AFF3: variants seen among roughly 807,000 people sequenced by gnomAD.
AFF3 encodes the protein AF4/FMR2 family member 3.
AFF3 carries 32 observed loss-of-function variants against 129.7 expected under a neutral mutation model. The ratio of observed to expected loss-of-function variants is 0.25; its 90% CI spans 0.19 to 0.33. The LOEUF is 0.33. AFF3 is among the 10% of genes least tolerant of loss of function. The probability of loss-of-function intolerance (pLI) is 1.00; values close to 1 mark genes in which losing one functional copy is unlikely to be tolerated. For missense variants in AFF3, 1,373 were observed against 1,592.0 expected (o/e 0.86, Z 2.34); for synonymous variants, 644 against 635.4 (o/e 1.01, Z -0.20).
At chr2:99,563,974 G>A (rs1390441176) in intron 20 of AFF3, among the ~76,000 whole-genome samples, 1 of 152,038 alleles carries the variant, frequency 6.6e-6, no homozygotes, top group Non-Finnish European at 1.5e-5. Flanking sequence ...GGGCACAGTG[G>A]GTGTGGTACC....
intron 7 of AFF3, among the ~76,000 whole-genome samples, chr2:99,969,359 G>A (rs1289889614): frequency 1.3e-5 from 2 of 152,110 alleles, no homozygotes; most frequent in East Asian, 1.9e-4. Context: ...CTCACATATG[G>A]GATGGAGTAA....
At chr2:99,992,034 A>G (rs1361698697) in intron 7 of AFF3, among the ~76,000 whole-genome samples, 1 of 152,118 alleles carries the variant, frequency 6.6e-6, no homozygotes, top group Non-Finnish European at 1.5e-5. Context: ...AGGAACTTGG[A>G]AAAGTGAATT....
At chr2:99,576,858 C>A (rs1466164215) in intron 18 of AFF3, among the ~76,000 whole-genome samples, 6 of 152,134 alleles carry the variant, frequency 3.9e-5, no homozygotes, top group African/African-American at 1.4e-4. Context: ...TATCACTGAA[C>A]CCTAATTATA....
intron 8 of AFF3, among the ~76,000 whole-genome samples, chr2:99,768,531 C>T (rs1394655718): frequency 6.6e-6 from 1 of 152,226 alleles, no homozygotes; most frequent in Admixed American, 6.5e-5. Flanking sequence ...GAATAGTTTA[C>T]ACACCATAGT....
chr2:100,026,657 A>G (rs1211006350), intron 4 of AFF3, among the ~76,000 whole-genome samples: 1 of 151,082 alleles, frequency 6.6e-6, no homozygotes, highest in Non-Finnish European at 1.5e-5. Flanking sequence ...CCAAATGTCC[A>G]TCAATCAACA....
chr2:100,002,395 C>T (rs77807561), intron 7 of AFF3, among the ~76,000 whole-genome samples: 93 of 152,268 alleles, frequency 6.1e-4, no homozygotes, highest in African/African-American at 1.9e-3. Context: ...TTTATGGAAT[C>T]GCAGTGCTTC....
In AFF3 at chr2:99,648,917, A is replaced by ACACACACACACTCTCTCTCT; in HGVS notation, c.1184+708_1184+709insAGAGAGAGAGTGTGTGTGTG. Reference sequence around the variant, plus strand: ...CACACACACACACACACACACACACACTCTCTCTCTCTCTCTCTCTCCAAT... The same window carrying ACACACACACACTCTCTCTCT: ...CACACACACACACACACACACACACACACACACACACTCTCTCTCTCTCTCTCTCTCTCTCTCTCTCCAAT... On this transcript the variant is annotated intron_variant, in intron 13 of 24. Transcript: ENST00000672756. Among the ~76,000 whole-genome samples, 219 of 46,824 alleles carry ACACACACACACTCTCTCTCT rather than the reference A, an allele frequency of 4.7e-3. 1 individual carries two copies. The highest frequency in any genetic ancestry group is 7.3e-3 in the Non-Finnish European group (159 of 21,760). 30.7% of individuals were successfully genotyped at this position (46,824 alleles called of 152,430 possible).
At chr2:99,872,207 CAAAAAAAA>C (rs397871895) in intron 7 of AFF3, among the ~76,000 whole-genome samples, 10 of 61,780 alleles carry the variant, frequency 1.6e-4, no homozygotes, top group Admixed American at 2.4e-4. Context: ...GACTCCATCT[CAAAAAAAA>C]AAAAAAAAAA....
intron 2 of AFF3, among the ~76,000 whole-genome samples, chr2:100,125,236 A>T (rs988946170): frequency 2.0e-5 from 3 of 152,156 alleles, no homozygotes; most frequent in Non-Finnish European, 4.4e-5. Flanking sequence ...AAAAATGCAA[A>T]TGTCAGACCC....
intron 7 of AFF3, among the ~76,000 whole-genome samples, chr2:99,990,839 C>T (rs979905361): frequency 6.6e-6 from 1 of 152,060 alleles, no homozygotes; most frequent in Admixed American, 6.5e-5. Context: ...TCCAGGATGT[C>T]GGATTTCAGC....
chr2:100,133,301 A>T (rs1692500877), intron 1 of AFF3, among the ~76,000 whole-genome samples: 1 of 151,282 alleles, frequency 6.6e-6, no homozygotes, highest in African/African-American at 2.4e-5. Context: ...AAAAACAATT[A>T]AAAAAAAACA....
intron 7 of AFF3, among the ~76,000 whole-genome samples, chr2:99,858,516 A>C (rs1690702469): frequency 1.3e-5 from 2 of 151,944 alleles, no homozygotes; most frequent in South Asian, 4.2e-4. Flanking sequence ...TCCCCACTGC[A>C]CTCCAGCCCA....
At chr2:99,668,807 C>A (rs7566953) in intron 12 of AFF3, among the ~76,000 whole-genome samples, 1 of 151,618 alleles carries the variant, frequency 6.6e-6, no homozygotes, top group African/African-American at 2.4e-5. Flanking sequence ...GATGATCCAC[C>A]TGCCTTGGCC....
At position 99,611,353 on chromosome 2, in the gene AFF3, G is replaced by C. The variant is rs532300082; in HGVS notation, c.1185-9732C>G. Among the ~76,000 whole-genome samples the C allele has an allele frequency of 3.3e-5, 5 of 152,202 alleles. No homozygotes were observed. The South Asian group carries it at 1.0e-3, about 32-fold the overall frequency. On this transcript the variant is annotated intron_variant, in intron 13 of 24. Coordinates refer to ENST00000672756, the MANE Select transcript of AFF3 (RefSeq NM_001386135.1). Reference sequence around the variant, plus strand: ...TCAAGTTGAGATTTTCCAGGTTCTTGGTATGATGAGTGATTTTCTATTGTA... The same window carrying C: ...TCAAGTTGAGATTTTCCAGGTTCTTCGTATGATGAGTGATTTTCTATTGTA...
intron 15 of AFF3, among the ~76,000 whole-genome samples, chr2:99,591,968 G>T (rs1048093157): frequency 2.0e-5 from 3 of 152,126 alleles, no homozygotes; most frequent in Non-Finnish European, 4.4e-5. Flanking sequence ...TCTGTCATGG[G>T]GACCTATATA....
intron 7 of AFF3, among the ~76,000 whole-genome samples, chr2:99,951,240 C>T (rs983430289): frequency 6.6e-6 from 1 of 152,132 alleles, no homozygotes; most frequent in African/African-American, 2.4e-5. Flanking sequence ...TAAAGAGGAT[C>T]ATTTTTGCAA....
At position 99,548,018 on chromosome 2, in the gene AFF3, T is replaced by G. The variant is rs1456503932; in HGVS notation, c.*3456A>C. 4.7e-6 allele frequency: 1 copy of G among 211,838 alleles called. No individual in the cohort carries two copies. The highest frequency in any genetic ancestry group is 9.6e-6 in the Non-Finnish European group (1 of 104,306). 13.1% of individuals were successfully genotyped at this position (211,838 alleles called of 1,614,324 possible). On this transcript the variant is annotated 3_prime_UTR_variant, in exon 25 of 25. Transcript: ENST00000672756. ...TGCAATTTGAATGTTTCCAGAAATC[T>G]CTGTCTTAACCAAACCTCTCTCTCC...
intron 7 of AFF3, among the ~76,000 whole-genome samples, chr2:99,958,092 C>T (rs1487277396): frequency 2.0e-5 from 3 of 152,074 alleles, no homozygotes; most frequent in Non-Finnish European, 4.4e-5. Context: ...AAGAGGGACA[C>T]GATCCAAACA....
chr2:99,993,792 C>CTTTTTTTTT (rs751882272), intron 7 of AFF3, among the ~76,000 whole-genome samples: 5 of 72,536 alleles, frequency 6.9e-5, no homozygotes, highest in East Asian at 1.1e-3. Flanking sequence ...AACACTTTAT[C>CTTTTTTTTT]TTTTTTTTTT....
Sources: allele counts gnomAD v4.1 joint callset (sites outside exome capture counted in the v4.1 genomes callset), GRCh38; gene constraint gnomAD v4.1.1; transcripts MANE v1.5; gene names NCBI Gene and HGNC (gene_info 2026-07-23, HGNC 2026-07-21).